Variants in MTPAP observed in about 807,000 individuals in gnomAD.
The protein encoded by MTPAP is mitochondrial poly(A) polymerase.
MTPAP carries 23 observed loss-of-function variants against 48.7 expected under a neutral mutation model. The ratio of observed to expected loss-of-function variants is 0.47; its 90% confidence interval spans 0.34 to 0.67. The LOEUF (loss-of-function observed/expected upper bound fraction) is 0.67, where lower values mean the gene tolerates loss of function less well. MTPAP is among the 30% of genes least tolerant of loss of function. The pLI, the probability that MTPAP is intolerant of heterozygous loss-of-function variation, is 0.01. For missense variants in MTPAP, 614 were observed against 694.3 expected (o/e 0.88, Z 1.30); for synonymous variants, 257 against 254.1 (o/e 1.01, Z -0.11).
At chr10:30,322,750 C>A in intron 5 of MTPAP, 133 bp from the exon 6 acceptor site, 1 of 681,320 alleles carries the variant, frequency 1.5e-6, no homozygotes, top group Non-Finnish European at 2.5e-6. Context: ...ATTAGGTAAT[C>A]AAAAGCATTA....
intron 1 of MTPAP, among the ~76,000 whole-genome samples, chr10:30,348,473 G>T (rs1459628179): frequency 1.3e-5 from 2 of 152,144 alleles, no homozygotes; most frequent in Non-Finnish European, 1.5e-5. Context: ...ACTGTAAATA[G>T]AATACACAAG....
At chr10:30,322,757 A>G in intron 5 of MTPAP, 140 bp from the exon 6 acceptor site, 1 of 668,388 alleles carries the variant, frequency 1.5e-6, no homozygotes, top group Non-Finnish European at 2.6e-6. Flanking sequence ...AATCAAAAGC[A>G]TTATGAATTT....
At chr10:30,331,866 TGTAA>T (rs1432721690) in intron 4 of MTPAP, among the ~76,000 whole-genome samples, 1 of 152,204 alleles carries the variant, frequency 6.6e-6, no homozygotes, top group African/African-American at 2.4e-5. Context: ...CACGCCTAGC[TGTAA>T]GTAACTTTTA....
intron 1 of MTPAP, among the ~76,000 whole-genome samples, chr10:30,344,727 CAG>C (rs1289255923): frequency 1.3e-5 from 2 of 152,208 alleles, no homozygotes; most frequent in African/African-American, 2.4e-5. Flanking sequence ...ATTTTCCAGA[CAG>C]AGTCTCACTC....
At chr10:30,324,535 CAGAG>C (rs1564519924) in intron 5 of MTPAP, among the ~76,000 whole-genome samples, 3 of 151,782 alleles carry the variant, frequency 2.0e-5, no homozygotes, top group Non-Finnish European at 4.4e-5. Context: ...GCCTGGGCAA[CAGAG>C]AGAGACACTG....
chr10:30,329,184 G>A (rs1834634733), intron 4 of MTPAP, among the ~76,000 whole-genome samples: 1 of 151,836 alleles, frequency 6.6e-6, no homozygotes, highest in African/African-American at 2.4e-5. Context: ...GGAGGCCAAG[G>A]TTGCAGTGAG....
rs112319038 is a variant in MTPAP at position 30,337,225 on chromosome 10, G to A, written c.556-198C>T. On this transcript the variant is annotated intron_variant, in intron 3 of 8. Coordinates refer to ENST00000263063, the MANE Select transcript of MTPAP (RefSeq NM_018109.4). ...GGATCACCTGAGGCCGGAATTTCGCGACCAGCCTGACCAACATGGAGAAAC... is the reference window on the plus strand; with the variant it reads ...GGATCACCTGAGGCCGGAATTTCGCAACCAGCCTGACCAACATGGAGAAAC... Among the ~76,000 whole-genome samples the A allele has an allele frequency of 0.033, 5,085 of 152,140 alleles. 162 individuals carry two copies. The highest frequency in any genetic ancestry group is 0.075 in the African/African-American group (3,120 of 41,490).
chr10:30,315,774 T>C (rs915184905), intron 8 of MTPAP, among the ~76,000 whole-genome samples, 189 bp downstream of exon 8: 5 of 152,214 alleles, frequency 3.3e-5, no homozygotes, highest in African/African-American at 1.2e-4. Context: ...GCTTTTACTA[T>C]TTGGCATAAA....
At chr10:30,317,019 G>A (rs984295629) in intron 6 of MTPAP, among the ~76,000 whole-genome samples, 2 of 152,104 alleles carry the variant, frequency 1.3e-5, no homozygotes, top group South Asian at 2.1e-4. Context: ...ATAATTTCTT[G>A]TCTATGATTT....
intron 5 of MTPAP, among the ~76,000 whole-genome samples, chr10:30,325,932 G>A (rs1281343023): frequency 6.6e-6 from 1 of 151,852 alleles, no homozygotes; most frequent in Non-Finnish European, 1.5e-5. Flanking sequence ...ACCACTTTTG[G>A]ACCTAAGTAA....
intron 6 of MTPAP, 66 bp downstream of exon 6, chr10:30,322,325 A>G (rs1161450026): frequency 2.3e-6 from 3 of 1,292,878 alleles, no homozygotes; most frequent in African/African-American, 2.9e-5. Flanking sequence ...CTTTGGTAAC[A>G]CATGGTAATT....
chr10:30,324,059 T>C (rs919877369), intron 5 of MTPAP, among the ~76,000 whole-genome samples: 2 of 152,104 alleles, frequency 1.3e-5, no homozygotes, highest in Non-Finnish European at 2.9e-5. Context: ...CGCACACCTG[T>C]AGGCCCAGCT....
intron 4 of MTPAP, among the ~76,000 whole-genome samples, chr10:30,328,877 G>A (rs865793275): frequency 4.6e-5 from 7 of 152,176 alleles, no homozygotes; most frequent in African/African-American, 1.7e-4. Flanking sequence ...TAAGGACAGA[G>A]AGAGAGAGCA....
intron 1 of MTPAP, among the ~76,000 whole-genome samples, chr10:30,342,904 A>C (rs902731876): frequency 2.6e-5 from 4 of 152,220 alleles, no homozygotes; most frequent in Non-Finnish European, 5.9e-5. Context: ...GAATCAAGAC[A>C]AGAATTGTGA....
At chr10:30,323,146 A>G (rs1331346326) in intron 5 of MTPAP, among the ~76,000 whole-genome samples, 1 of 149,074 alleles carries the variant, frequency 6.7e-6, no homozygotes, top group Non-Finnish European at 1.5e-5. Context: ...AAAAAAAAAA[A>G]AAAAGAAAGA....
chr10:30,337,599 T>A (rs1834744901), intron 3 of MTPAP, among the ~76,000 whole-genome samples: 1 of 152,050 alleles, frequency 6.6e-6, no homozygotes. Context: ...TTATATAATA[T>A]TTTAAAATTT....
chr10:30,341,430 G>C (rs1340718871), intron 2 of MTPAP, 38 bp downstream of exon 2: 1 of 1,594,120 alleles, frequency 6.3e-7, no homozygotes, highest in Non-Finnish European at 8.5e-7. Flanking sequence ...CCCTTGAAAA[G>C]CATAAACGTT....
intron 8 of MTPAP, among the ~76,000 whole-genome samples, chr10:30,314,884 C>CAA (rs34249388): frequency 4.5e-5 from 5 of 110,740 alleles, no homozygotes; most frequent in African/African-American, 7.0e-5. Context: ...AAAACAAAAA[C>CAA]AAAAAAAAAA....
At chr10:30,341,729 G>A in intron 1 of MTPAP, 89 bp from the exon 2 acceptor site, 1 of 1,368,558 alleles carries the variant, frequency 7.3e-7, no homozygotes, top group South Asian at 1.2e-5. Flanking sequence ...CTTCATATAT[G>A]ACTAAAACCA....
Sources: allele counts gnomAD v4.1 joint callset (sites outside exome capture counted in the v4.1 genomes callset), GRCh38; gene constraint gnomAD v4.1.1; transcripts MANE v1.5; gene names NCBI Gene and HGNC (gene_info 2026-07-23, HGNC 2026-07-21).